The following CSMD3 variants were observed in gnomAD, a reference collection of about 807,000 sequenced individuals.
CSMD3 encodes CUB and sushi domain-containing protein 3.
In CSMD3, 177 loss-of-function variants were observed where a neutral mutation model predicts 435.2. The ratio of observed to expected loss-of-function variants is 0.41; its 90% CI spans 0.36 to 0.46. CSMD3 has a LOEUF of 0.46. CSMD3 is among the 20% of genes least tolerant of loss of function. The pLI is 0.34. For synonymous variants in CSMD3, 1,656 were observed against 1,520.5 expected, an observed-to-expected ratio of 1.09 and a Z score of -2.07; for missense variants, 4,265 against 4,504.6, an observed-to-expected ratio of 0.95 and a Z score of 1.52.
chr8:112,225,318 G>T (rs188272108), intron 70 of CSMD3, among the ~76,000 whole-genome samples: 3 of 151,516 alleles, frequency 2.0e-5, no homozygotes, highest in Non-Finnish European at 2.9e-5. Context: ...TCTATTATGC[G>T]CCAGTCATGA....
intron 32 of CSMD3, among the ~76,000 whole-genome samples, chr8:112,447,201 T>C (rs1815704162): frequency 6.6e-6 from 1 of 152,132 alleles, no homozygotes; most frequent in African/African-American, 2.4e-5. Context: ...AACTAAGTGA[T>C]ATGTCAGGTA....
chr8:112,699,702 C>T (rs889360115), intron 13 of CSMD3, among the ~76,000 whole-genome samples: 1 of 152,126 alleles, frequency 6.6e-6, no homozygotes, highest in Non-Finnish European at 1.5e-5. Flanking sequence ...GTGTGATGTC[C>T]TGAGAGGCGA....
chr8:112,229,175 G>T (rs1592625), intron 69 of CSMD3, among the ~76,000 whole-genome samples: 1 of 152,100 alleles, frequency 6.6e-6, no homozygotes, highest in African/African-American at 2.4e-5. Flanking sequence ...TAATAAGTGT[G>T]TATATCAAGC....
chr8:113,388,578 C>CTTT (rs1192528465), intron 1 of CSMD3, among the ~76,000 whole-genome samples: 2 of 151,474 alleles, frequency 1.3e-5, no homozygotes, highest in Non-Finnish European at 3.0e-5. Flanking sequence ...ACGTCTGGCA[C>CTTT]TTAGTTGGTC....
chr8:112,772,635 C>T (rs1048792178), intron 13 of CSMD3, among the ~76,000 whole-genome samples: 3 of 151,946 alleles, frequency 2.0e-5, no homozygotes, highest in Non-Finnish European at 4.4e-5. Context: ...GAGGAAGGAA[C>T]GCCTCTTTGT....
chr8:113,284,870 T>C (rs1265216883), intron 2 of CSMD3, among the ~76,000 whole-genome samples: 2 of 152,234 alleles, frequency 1.3e-5, no homozygotes, highest in East Asian at 1.9e-4. Flanking sequence ...TTTATGTTTC[T>C]TTGAAAATTG....
At chr8:112,247,953 C>A (rs760073522) in intron 63 of CSMD3, among the ~76,000 whole-genome samples, 4 of 151,920 alleles carry the variant, frequency 2.6e-5, no homozygotes, top group Admixed American at 6.6e-5. Flanking sequence ...TAGGGGAAAA[C>A]AGTATATTAG....
rs571345913 is a variant in CSMD3, at chr8:113,000,708, T to A, written c.1030+18359A>T. 3.9e-5 allele frequency among the ~76,000 whole-genome samples: 6 copies of A among 152,200 alleles called. No individual in the cohort carries two copies. In the South Asian group the frequency reaches 1.2e-3, roughly 32 times the overall value. ...CAGTGCTTAATCTTTGGTTGTATTT[T>A]CCTGATTTTACATTAAGTCTTTGGG... On this transcript the variant is annotated intron_variant, in intron 6 of 70. Coordinates refer to ENST00000297405, the MANE Select transcript of CSMD3 (RefSeq NM_198123.2).
chr8:112,543,546 A>G (rs1352187439), intron 27 of CSMD3, among the ~76,000 whole-genome samples: 2 of 152,056 alleles, frequency 1.3e-5, no homozygotes, highest in African/African-American at 4.8e-5. Flanking sequence ...ATTACTTCAT[A>G]CCTGTCAGGA....
At chr8:112,534,493 C>A (rs889833726) in intron 27 of CSMD3, among the ~76,000 whole-genome samples, 4 of 152,166 alleles carry the variant, frequency 2.6e-5, no homozygotes, top group African/African-American at 9.7e-5. Flanking sequence ...GAAGTTGAAT[C>A]TCTGAATAGA....
intron 30 of CSMD3, 128 bp downstream of exon 30, chr8:112,503,662 C>A: frequency 1.6e-6 from 1 of 618,872 alleles, no homozygotes; most frequent in South Asian, 2.3e-5. Flanking sequence ...ATGAGATGAA[C>A]TGTACATAAT....
chr8:113,331,807 A>C (rs958996266), intron 1 of CSMD3, among the ~76,000 whole-genome samples: 4 of 151,774 alleles, frequency 2.6e-5, no homozygotes, highest in African/African-American at 9.7e-5. Flanking sequence ...AGCTATGTTA[A>C]ACTGACGACC....
At chr8:112,829,452 A>T (rs1379939923) in intron 12 of CSMD3, among the ~76,000 whole-genome samples, 2 of 152,138 alleles carry the variant, frequency 1.3e-5, no homozygotes, top group South Asian at 4.1e-4. Flanking sequence ...TATTGTTTAT[A>T]AGTCACCCAG....
chr8:112,404,612 T>C (rs981260587), intron 35 of CSMD3, among the ~76,000 whole-genome samples: 1 of 152,152 alleles, frequency 6.6e-6, no homozygotes, highest in African/African-American at 2.4e-5. Flanking sequence ...GTACCTTCTA[T>C]GTTATTTCAT....
At chr8:112,621,659 C>T (rs1834080927) in intron 22 of CSMD3, among the ~76,000 whole-genome samples, 1 of 152,092 alleles carries the variant, frequency 6.6e-6, no homozygotes, top group Admixed American at 6.6e-5. Context: ...CTCTAGGACA[C>T]CATTTTTTTA....
At chr8:112,766,997 AC>A (rs1369024867) in intron 13 of CSMD3, among the ~76,000 whole-genome samples, 1 of 151,856 alleles carries the variant, frequency 6.6e-6, no homozygotes, top group African/African-American at 2.4e-5. Context: ...CTCAACAATA[AC>A]TGACTATGCA....
In CSMD3 at chr8:112,244,461, T is replaced by A. The variant is rs2130110646; in HGVS notation, c.10335A>T (p.Ala3445=). 1 of 1,613,958 alleles carries A rather than the reference T, an allele frequency of 6.2e-7. No homozygotes were observed. Among genetic ancestry groups the A allele is most frequent in the Non-Finnish European group, 8.5e-7 (1 of 1,179,864 alleles). Reference sequence around the variant, plus strand: ...TACACACTCTATGTTCTGTTCCACCTGCTAAGAAGAAGCCAGGCTGACAGG... The same window carrying A: ...TACACACTCTATGTTCTGTTCCACCAGCTAAGAAGAAGCCAGGCTGACAGG... ...IYTCQPGFFL[A]GGTEHRVCRS... The change falls in exon 65 of 71, where the codon GCA becomes GCT. Residue 3445 remains alanine (A), a synonymous_variant. Transcript: ENST00000297405.
At chr8:112,970,791 G>A (rs1392810363) in intron 7 of CSMD3, among the ~76,000 whole-genome samples, 3 of 150,692 alleles carry the variant, frequency 2.0e-5, no homozygotes, top group Non-Finnish European at 4.4e-5. Context: ...GTGCGATCTC[G>A]GCTCACTGCA....
intron 9 of CSMD3, among the ~76,000 whole-genome samples, 170 bp downstream of exon 9, chr8:112,947,620 T>G (rs1233014846): frequency 6.6e-6 from 1 of 151,794 alleles, no homozygotes; most frequent in Non-Finnish European, 1.5e-5. Context: ...GTTAATGCAT[T>G]ACTTAACTAA....
Sources: gnomAD v4.1 joint callset for allele counts (sites outside exome capture counted in the v4.1 genomes callset) on GRCh38, gnomAD v4.1.1 for gene constraint, MANE v1.5 for transcripts, NCBI Gene and HGNC (gene_info 2026-07-23, HGNC 2026-07-21) for gene names.